CEP83: variants seen among roughly 807,000 people sequenced by gnomAD.
CEP83 encodes the protein centrosomal protein of 83 kDa.
CEP83 carries 70 observed loss-of-function variants against 101.9 expected under a neutral mutation model. The observed-to-expected ratio is 0.69, with a 90% CI of 0.57 to 0.84. The LOEUF (loss-of-function observed/expected upper bound fraction) is 0.84, where lower values mean the gene tolerates loss of function less well. Among genes scored for constraint, CEP83 ranks in the 40% least tolerant of loss-of-function variants. The pLI is 0.00. For missense variants in CEP83, 715 were observed against 787.2 expected (o/e 0.91, Z 1.10); for synonymous variants, 264 against 267.9 (o/e 0.99, Z 0.14).
chr12:94,305,598 A>C, downstream of CEP83: 2 of 254,286 alleles, frequency 7.9e-6, no homozygotes, highest in Admixed American at 5.1e-5. Context: ...CTTAAGCACA[A>C]TGATATAAGT....
At chr12:94,372,226 C>A (rs2061339816) in intron 8 of CEP83, among the ~76,000 whole-genome samples, 1 of 152,090 alleles carries the variant, frequency 6.6e-6, no homozygotes, top group African/African-American at 2.4e-5. Flanking sequence ...TCCGCCTCGG[C>A]CTTCCAAAGT....
In CEP83 at chr12:94,310,394, A is replaced by AC. The variant is rs76640724; in HGVS notation, c.1812-288dup. ...GGTACTCACTCCTACCCTCCTACTCACCCCCATTCATGAATCCTGAAACTA... is the reference window on the plus strand; with the variant it reads ...GGTACTCACTCCTACCCTCCTACTCACCCCCCATTCATGAATCCTGAAACTA... On this transcript the variant is annotated intron_variant, in intron 15 of 16. Transcript: ENST00000397809. 0.059 allele frequency among the ~76,000 whole-genome samples: 8,922 copies of AC among 151,878 alleles called. 351 individuals are homozygous for AC. Among genetic ancestry groups the AC allele is most frequent in the Admixed American group, 0.089 (1,355 of 15,224 alleles).
chr12:94,430,811 G>C (rs953221680), intron 2 of CEP83, among the ~76,000 whole-genome samples: 2 of 152,142 alleles, frequency 1.3e-5, no homozygotes, highest in Non-Finnish European at 2.9e-5. Context: ...CACAAAGCAC[G>C]TTATAGTCAA....
Position 94,347,194 on chromosome 12 carries a change from G to A in CEP83, c.1344-11530C>T, listed in dbSNP as rs374140182. Among the ~76,000 whole-genome samples, 273 of 151,868 alleles carry A rather than the reference G, an allele frequency of 1.8e-3. 7 individuals are homozygous for A. The South Asian group carries it at 0.053, about 30-fold the overall frequency. On this transcript the variant is annotated intron_variant, in intron 11 of 16. Transcript: ENST00000397809. Reference sequence around the variant, plus strand: ...TGTATCTAAGAAAGAGCTTTTATGCGTAACACATAAATAACTATTATAAAT... The same window carrying A: ...TGTATCTAAGAAAGAGCTTTTATGCATAACACATAAATAACTATTATAAAT...
chr12:94,293,035 GT>G, the CEP83 span, among the ~76,000 whole-genome samples: 1 of 151,472 alleles, frequency 6.6e-6, no homozygotes, highest in African/African-American at 2.4e-5. Flanking sequence ...TAACATGATA[GT>G]TTTGACTGTT....
At chr12:94,311,211 T>C (rs1969814041) in intron 15 of CEP83, among the ~76,000 whole-genome samples, 1 of 152,198 alleles carries the variant, frequency 6.6e-6, no homozygotes. Context: ...CAGGGAGGCA[T>C]GCCCAGAGAG....
rs568651699 is a variant in CEP83 at position 94,308,506 on chromosome 12, C to CA, written c.*306dup. 0.014 allele frequency: 2,593 copies of CA among 186,042 alleles called. 4 individuals carry two copies. The highest frequency in any genetic ancestry group is 0.04 in the East Asian group (281 of 7,098). 11.5% of individuals were successfully genotyped at this position (186,042 alleles called of 1,614,324 possible). On this transcript the variant is annotated 3_prime_UTR_variant, in exon 17 of 17. Transcript: ENST00000397809. The stretch of plus-strand genomic sequence containing the variant: ...GATAGTTATATTTCACTCAAAATGC[C>CA]AAAAAAAAAAATTCAACAAAGTAAA...
At chr12:94,277,665 T>C in the CEP83 span, 1 of 318,674 alleles carries the variant, frequency 3.1e-6, no homozygotes, top group Non-Finnish European at 6.1e-6. Flanking sequence ...GCCTCCTCCT[T>C]ATTCAGAGAT....
intron 1 of CEP83, among the ~76,000 whole-genome samples, chr12:94,448,971 A>G (rs551946857): frequency 6.6e-6 from 1 of 151,898 alleles, no homozygotes; most frequent in East Asian, 1.9e-4. Context: ...TATAGATATG[A>G]AAAATAATCA....
At chr12:94,304,207 G>T, downstream of CEP83, 1 of 578,274 alleles carries the variant, frequency 1.7e-6, no homozygotes. Context: ...CACTGAGCCA[G>T]ACCCTGTACA....
rs536948628 is a variant in CEP83 at position 94,374,278 on chromosome 12, C to A, written c.933+1608G>T. Among the ~76,000 whole-genome samples the A allele has an allele frequency of 2.6e-5, 4 of 152,190 alleles. No individual in the cohort carries two copies. The South Asian group carries it at 6.2e-4, about 24-fold the overall frequency. On this transcript the variant is annotated intron_variant, in intron 8 of 16. Transcript: ENST00000397809. ...AAAAGTATTATACTTGGTGGCCCCC[C>A]CAAGAGAGAAGCCACAGCAGAAGCC... is the stretch of plus-strand genomic sequence containing the variant.
At chr12:94,286,959 C>T in the CEP83 span, among the ~76,000 whole-genome samples, 1 of 152,192 alleles carries the variant, frequency 6.6e-6, no homozygotes, top group South Asian at 2.1e-4. Context: ...CAGAGCCCCA[C>T]ATTGCTGGCA....
At chr12:94,343,382 T>C (rs1356984224) in intron 11 of CEP83, among the ~76,000 whole-genome samples, 1 of 151,542 alleles carries the variant, frequency 6.6e-6, no homozygotes. Context: ...CTTGATAGAT[T>C]AGGTTACAAA....
chr12:94,278,145 C>A, the CEP83 span: 5 of 338,502 alleles, frequency 1.5e-5, no homozygotes, highest in Admixed American at 3.8e-5. Context: ...CTCCTTAAAA[C>A]CAAAAAAAAC....
At chr12:94,286,616 CAAAAAAAAAAAAA>C in the CEP83 span, among the ~76,000 whole-genome samples, 7 of 101,408 alleles carry the variant, frequency 6.9e-5, no homozygotes, top group Non-Finnish European at 1.1e-4. Context: ...TGCTTAAAAG[CAAAAAAAAAAAAA>C]AAAAAAAAAA....
At chr12:94,293,830 AG>A in the CEP83 span, among the ~76,000 whole-genome samples, 1 of 152,112 alleles carries the variant, frequency 6.6e-6, no homozygotes, top group Non-Finnish European at 1.5e-5. Flanking sequence ...TATGTTGCCC[AG>A]GCTGGTCTCA....
intron 6 of CEP83, among the ~76,000 whole-genome samples, chr12:94,396,421 T>C (rs1385991216): frequency 2.0e-5 from 3 of 151,390 alleles, no homozygotes; most frequent in East Asian, 2.0e-4. Context: ...CCAGAGTAGC[T>C]GGGACTACAG....
At chr12:94,413,805 TTCTC>T (rs2064067247) in intron 2 of CEP83, among the ~76,000 whole-genome samples, 1 of 146,354 alleles carries the variant, frequency 6.8e-6, no homozygotes, top group East Asian at 2.0e-4. Flanking sequence ...TTTAATTTCT[TTCTC>T]TAGTCCCATA....
chr12:94,413,165 T>A (rs2064017890), intron 2 of CEP83, among the ~76,000 whole-genome samples: 1 of 152,232 alleles, frequency 6.6e-6, no homozygotes, highest in Non-Finnish European at 1.5e-5. Context: ...CTCCTTATCA[T>A]TTTTATTACA....
Sources: allele counts gnomAD v4.1 joint callset (sites outside exome capture counted in the v4.1 genomes callset), GRCh38; gene constraint gnomAD v4.1.1; transcripts MANE v1.5; gene names NCBI Gene and HGNC (gene_info 2026-07-23, HGNC 2026-07-21).